IGF2R: variants seen among roughly 807,000 people sequenced by gnomAD.
IGF2R encodes the protein insulin like growth factor 2 receptor, also known as cation-independent mannose-6-phosphate receptor.
Under a neutral mutation model 270.6 loss-of-function variants are expected in IGF2R, and 91 were observed. That is an observed-to-expected ratio of 0.34 (90% confidence interval 0.28 to 0.40). The LOEUF (loss-of-function observed/expected upper bound fraction) is 0.40, where lower values mean the gene tolerates loss of function less well. Among genes scored for constraint, IGF2R ranks in the 10% least tolerant of loss-of-function variants. The pLI, the probability that IGF2R is intolerant of heterozygous loss-of-function variation, is 1.00. For missense variants in IGF2R, 2,805 were observed against 3,188.3 expected, an observed-to-expected ratio of 0.88 and a Z score of 2.90; for synonymous variants, 1,316 against 1,258.9, an observed-to-expected ratio of 1.05 and a Z score of -0.96.
At chr6:160,034,761 T>C (rs960858548) in intron 10 of IGF2R, among the ~76,000 whole-genome samples, 1 of 152,158 alleles carries the variant, frequency 6.6e-6, no homozygotes, top group Non-Finnish European at 1.5e-5. Context: ...TTTCTCTGTT[T>C]GTTTTGGGAA....
intron 11 of IGF2R, 34 bp downstream of exon 11, chr6:160,040,758 A>G: frequency 6.3e-7 from 1 of 1,582,004 alleles, no homozygotes; most frequent in Non-Finnish European, 8.6e-7. Flanking sequence ...GTCTTAGTCC[A>G]CATGCTCATG....
chr6:160,052,283 C>T (rs1194334274), intron 19 of IGF2R, among the ~76,000 whole-genome samples: 1 of 152,174 alleles, frequency 6.6e-6, no homozygotes. Flanking sequence ...CATTCCTATA[C>T]ACCATTAACA....
intron 8 of IGF2R, 54 bp downstream of exon 8, chr6:160,032,767 G>C: frequency 1.3e-6 from 2 of 1,582,184 alleles, no homozygotes; most frequent in Non-Finnish European, 1.7e-6. Flanking sequence ...GGGATCGAGA[G>C]AGGGAACGGG....
intron 30 of IGF2R, among the ~76,000 whole-genome samples, chr6:160,069,072 T>C (rs1361833852): frequency 6.7e-6 from 1 of 149,172 alleles, no homozygotes; most frequent in Non-Finnish European, 1.5e-5. Flanking sequence ...GGTCTTGGTG[T>C]GTGCCTGCGT....
rs1367991051 is a variant in IGF2R, at chr6:160,032,851, A to G, written c.1046-91A>G. On this transcript the variant is annotated intron_variant, in intron 8 of 47. Coordinates refer to ENST00000356956, the MANE Select transcript of IGF2R (RefSeq NM_000876.4). ...TGTAGTTTGGGCTGGTGTTTCAGAA[A>G]TAGGATTCAGGTTTGACTAAGTAAG... The G allele has an allele frequency of 3.6e-6, 5 of 1,395,246 alleles. No individual in the cohort carries two copies. The East Asian group carries it at 6.9e-5, about 19-fold the overall frequency. The allele number at this position is 1,395,246 out of a possible 1,614,324, so 86.4% of individuals were successfully genotyped here.
intron 4 of IGF2R, among the ~76,000 whole-genome samples, chr6:160,021,606 A>T (rs9457810): frequency 0.11 from 15,841 of 150,258 alleles, 970 homozygotes; most frequent in South Asian, 0.23. Flanking sequence ...TAATAAAATT[A>T]AAAAAAAAAG....
Position 160,078,289 on chromosome 6 carries a change from A to G in IGF2R, c.5405A>G (p.Asp1802Gly). Residue 1802 changes from aspartate to glycine, a missense_variant, in exon 37 of 48, where the codon GAT becomes GGT. By Grantham distance (94) the Asp-to-Gly change is moderately conservative. Coordinates refer to ENST00000356956, the MANE Select transcript of IGF2R (RefSeq NM_000876.4). The stretch of plus-strand genomic sequence containing the variant: ...GTCTGTCCTGATGAAGTGAGGATGG[A>G]TGGCTGTACCCTGACAGATGAGCAG... ...PVVCPDEVRM[D>G]GCTLTDEQLL... The G allele has an allele frequency of 6.2e-7, 1 of 1,614,152 alleles. No individual in the cohort carries two copies.
intron 39 of IGF2R, among the ~76,000 whole-genome samples, chr6:160,082,767 CATG>C (rs1253358931): frequency 1.3e-5 from 2 of 152,220 alleles, no homozygotes; most frequent in Non-Finnish European, 2.9e-5. Flanking sequence ...AGTGAATCAA[CATG>C]AGATGTGGCC....
rs752122186 is a variant in IGF2R at position 159,991,194 on chromosome 6, G to A, written c.160G>A (p.Glu54Lys). The stretch of plus-strand genomic sequence containing the variant: ...TTTCTTCCTTTCCAGTTATACATGG[G>A]AAGCTGTTGATACCAAAAATAATGT... Reference protein sequence around the residue: ...PFPELCSYTWEAVDTKNNVLY... With the variant: ...PFPELCSYTWKAVDTKNNVLY... The change falls in exon 2 of 48, where the codon GAA (glutamate) becomes AAA (lysine). Residue 54 changes from glutamate to lysine, a missense_variant. By Grantham distance (56) the Glu-to-Lys change is moderately conservative (BLOSUM62 1). Transcript: ENST00000356956. 1 of 1,608,718 alleles carries A rather than the reference G, an allele frequency of 6.2e-7. No individual in the cohort carries two copies. The highest frequency in any genetic ancestry group is 1.7e-5 in the Admixed American group (1 of 59,200).
chr6:160,103,597 C>T (rs1172406932), intron 46 of IGF2R, 149 bp from the exon 47 acceptor site: 6 of 641,544 alleles, frequency 9.4e-6, no homozygotes, highest in East Asian at 2.7e-5. Context: ...TAACCTGTCA[C>T]GGCTACTCAT....
At chr6:160,029,926 C>T (rs1342130791) in intron 7 of IGF2R, among the ~76,000 whole-genome samples, 1 of 152,184 alleles carries the variant, frequency 6.6e-6, no homozygotes, top group African/African-American at 2.4e-5. Flanking sequence ...GTGTTTTGTT[C>T]TAGTCTCTGT....
chr6:160,066,966 T>G (rs1278946956), intron 29 of IGF2R, among the ~76,000 whole-genome samples: 1 of 152,198 alleles, frequency 6.6e-6, no homozygotes, highest in African/African-American at 2.4e-5. Context: ...CCTTGCCATG[T>G]CCCTTGTCAC....
rs17847622 is a variant in IGF2R, at chr6:160,044,456, G to A, written c.1622-58G>A. The stretch of plus-strand genomic sequence containing the variant: ...TCTTTTTTTTTTAAGTCACTTCTTT[G>A]TCTGCGTGATGATCATTTTTAACCA... On this transcript the variant is annotated intron_variant, in intron 12 of 47. Coordinates refer to ENST00000356956, the MANE Select transcript of IGF2R (RefSeq NM_000876.4). 9 of 418,052 alleles carry A rather than the reference G, an allele frequency of 2.2e-5. No individual in the cohort carries two copies. In the East Asian group the frequency reaches 2.5e-4, roughly 12 times the overall value. 25.9% of individuals were successfully genotyped at this position (418,052 alleles called of 1,614,324 possible).
chr6:160,012,775 TTTTGTTTG>T (rs1233894694), intron 4 of IGF2R, among the ~76,000 whole-genome samples: 2 of 127,960 alleles, frequency 1.6e-5, no homozygotes, highest in African/African-American at 5.8e-5. Flanking sequence ...TTTTTTTTTT[TTTTGTTTG>T]TTTGTTTGTT....
chr6:159,977,636 G>A (rs1043120827), intron 1 of IGF2R, among the ~76,000 whole-genome samples: 2 of 152,208 alleles, frequency 1.3e-5, no homozygotes, highest in Non-Finnish European at 2.9e-5. Flanking sequence ...AGAGGGGTGG[G>A]ACTTAGTTTT....
At position 160,104,783 on chromosome 6, in the gene IGF2R, C is replaced by A. The variant is rs748703829; in HGVS notation, c.7175C>A (p.Thr2392Asn). ...GKEGQENGHI[T>N]TKSVKALSSL... ...GAAGGGCAGGAGAACGGCCATATTACCACCAAGTCAGTGAAAGCCCTCAGC... is the reference window on the plus strand; with the variant it reads ...GAAGGGCAGGAGAACGGCCATATTAACACCAAGTCAGTGAAAGCCCTCAGC... The change falls in exon 48 of 48, where the codon ACC (threonine) becomes AAC (asparagine). Residue 2392 changes from threonine (T) to asparagine (N), a missense_variant. Transcript: ENST00000356956. The A allele has an allele frequency of 6.2e-7, 1 of 1,614,202 alleles. No homozygotes were observed. The highest frequency in any genetic ancestry group is 1.7e-5 in the Admixed American group (1 of 60,024).
rs540079195 is a variant in IGF2R at position 160,027,844 on chromosome 6, A to C, written c.776+530A>C. 2.6e-5 allele frequency among the ~76,000 whole-genome samples: 4 copies of C among 152,312 alleles called. No homozygotes were observed. In the South Asian group the frequency reaches 8.3e-4, roughly 32 times the overall value. ...CATACGCATTTCTCTAGTGTGTTGC[A>C]CATGACCATATCCTGAACTTCGATC... On this transcript the variant is annotated intron_variant, in intron 6 of 47. Coordinates refer to ENST00000356956, the MANE Select transcript of IGF2R (RefSeq NM_000876.4).
At chr6:160,091,907 C>T (rs1779235498) in intron 44 of IGF2R, among the ~76,000 whole-genome samples, 1 of 152,220 alleles carries the variant, frequency 6.6e-6, no homozygotes, top group Non-Finnish European at 1.5e-5. Flanking sequence ...AGCTGCTGCT[C>T]CTACACATGC....
chr6:160,000,728 GT>G (rs59215791), intron 2 of IGF2R, among the ~76,000 whole-genome samples: 808 of 69,974 alleles, frequency 0.012, 1 homozygote, highest in Non-Finnish European at 0.014. Flanking sequence ...GTGTGAGGTT[GT>G]TTTTTTTTTT....
Sources: gnomAD v4.1 joint callset for allele counts (sites outside exome capture counted in the v4.1 genomes callset) on GRCh38, gnomAD v4.1.1 for gene constraint, MANE v1.5 for transcripts, NCBI Gene and HGNC (gene_info 2026-07-23, HGNC 2026-07-21) for gene names.